Variants in UBE2N observed in about 807,000 individuals in gnomAD.
UBE2N encodes the protein ubiquitin conjugating enzyme E2 N, also known as ubiquitin-conjugating enzyme E2 N.
For synonymous variants in UBE2N, 70 were observed against 69.2 expected (o/e 1.01, Z -0.06); for missense variants, 60 against 192.1 (o/e 0.31, Z 4.07).
chr12:93,413,101 G>A (rs4020454), intron 1 of UBE2N, among the ~76,000 whole-genome samples: 17,733 of 152,022 alleles, frequency 0.12, 1,356 homozygotes, highest in East Asian at 0.18. Flanking sequence ...TGTAGTTATC[G>A]CTAACTTGTT....
At chr12:93,436,982 C>A (rs1370676803) in intron 1 of UBE2N, among the ~76,000 whole-genome samples, 1 of 152,044 alleles carries the variant, frequency 6.6e-6, no homozygotes, top group African/African-American at 2.4e-5. Flanking sequence ...AAAGTCTAGG[C>A]CAGGCACGGT....
rs539246747 is a variant in UBE2N at position 93,415,051 on chromosome 12, G to A, written c.31-3752C>T. Among the ~76,000 whole-genome samples, 19 of 152,292 alleles carry A rather than the reference G, an allele frequency of 1.2e-4. No individual in the cohort carries two copies. In the East Asian group the frequency reaches 2.7e-3, roughly 22 times the overall value. On this transcript the variant is annotated intron_variant, in intron 1 of 3. Transcript: ENST00000318066. ...GGCAGGGTTATTTTCAAGGCAGGAT[G>A]TGCACATTATGGAAGGAAAACAAAA...
At chr12:93,441,831 C>G (rs762106007) in intron 1 of UBE2N, 24 bp downstream of exon 1, 2 of 1,580,662 alleles carry the variant, frequency 1.3e-6, no homozygotes, top group South Asian at 1.1e-5. Context: ...GAGCGAAGAG[C>G]TGGAGGCCGG....
intron 1 of UBE2N, among the ~76,000 whole-genome samples, chr12:93,438,327 A>G (rs554488934): frequency 6.7e-6 from 1 of 148,278 alleles, no homozygotes; most frequent in Non-Finnish European, 1.5e-5. Flanking sequence ...GGGAGGAAAA[A>G]GGGAAACTGG....
intron 1 of UBE2N, among the ~76,000 whole-genome samples, chr12:93,433,427 T>C (rs865912730): frequency 6.6e-6 from 1 of 152,292 alleles, no homozygotes. Context: ...TTTTAAAAGC[T>C]GCTAAGATTT....
intron 1 of UBE2N, among the ~76,000 whole-genome samples, chr12:93,436,476 C>T (rs1878937109): frequency 6.6e-6 from 1 of 152,196 alleles, no homozygotes; most frequent in African/African-American, 2.4e-5. Flanking sequence ...AAAGCTGAAA[C>T]AGATTTGGTT....
At chr12:93,434,887 T>C (rs1449423868) in intron 1 of UBE2N, among the ~76,000 whole-genome samples, 3 of 151,036 alleles carry the variant, frequency 2.0e-5, no homozygotes, top group Non-Finnish European at 4.4e-5. Context: ...TCATAATGAG[T>C]TTGTATTTAT....
chr12:93,437,773 G>A (rs1343894336), intron 1 of UBE2N, among the ~76,000 whole-genome samples: 6 of 152,112 alleles, frequency 3.9e-5, no homozygotes, highest in African/African-American at 1.4e-4. Context: ...TGGGCAACAG[G>A]GGGAGACTCC....
intron 1 of UBE2N, among the ~76,000 whole-genome samples, chr12:93,436,848 C>T (rs1878949056): frequency 6.6e-6 from 1 of 152,342 alleles, no homozygotes; most frequent in African/African-American, 2.4e-5. Context: ...AACAGAACTA[C>T]TAAGACTCAA....
At chr12:93,430,932 TA>T (rs1234568334) in intron 1 of UBE2N, among the ~76,000 whole-genome samples, 85 of 137,268 alleles carry the variant, frequency 6.2e-4, no homozygotes, top group African/African-American at 9.1e-4. Context: ...GACCCTATCT[TA>T]AAAAAAAAAA....
At position 93,423,585 on chromosome 12, in the gene UBE2N, G is replaced by A. The variant is rs531664727; in HGVS notation, c.31-12286C>T. ...GTGTACCTAGCGTGGGGAGGGGGAA[G>A]AGGCTCAAGAGTTAGCACATCTGAA... On this transcript the variant is annotated intron_variant, in intron 1 of 3. Transcript: ENST00000318066. Among the ~76,000 whole-genome samples the A allele has an allele frequency of 3.5e-4, 53 of 152,314 alleles. 2 individuals are homozygous for A. Among genetic ancestry groups the A allele is most frequent in the African/African-American group, 9.9e-4 (41 of 41,582 alleles).
chr12:93,430,813 T>TA (rs869118481), intron 1 of UBE2N, among the ~76,000 whole-genome samples: 15 of 147,962 alleles, frequency 1.0e-4, no homozygotes, highest in African/African-American at 3.7e-4. Context: ...TATATATATA[T>TA]AAAAAATTTT....
chr12:93,417,154 A>C (rs1349030358), intron 1 of UBE2N, among the ~76,000 whole-genome samples: 1 of 152,190 alleles, frequency 6.6e-6, no homozygotes, highest in African/African-American at 2.4e-5. Context: ...ATTAAGTCTA[A>C]AGGAAGGTAT....
chr12:93,405,772 A>G lies in UBE2N; in HGVS notation c.*4267T>C, dbSNP rs1038466482. 1 of 152,236 alleles carries G rather than the reference A, an allele frequency of 6.6e-6. No individual in the cohort carries two copies. Among genetic ancestry groups the G allele is most frequent in the Non-Finnish European group, 1.5e-5 (1 of 68,046 alleles). 9.4% of individuals were successfully genotyped at this position (152,236 alleles called of 1,614,324 possible). On this transcript the variant is annotated 3_prime_UTR_variant, in exon 4 of 4. Transcript: ENST00000318066. ...TTTTGCTTTTTATGTTATTTAAAGT[A>G]TAAACCCTCATATAATTCCCTAAGA...
chr12:93,427,048 T>C (rs1005589377), intron 1 of UBE2N, among the ~76,000 whole-genome samples: 3 of 151,996 alleles, frequency 2.0e-5, no homozygotes, highest in Admixed American at 6.6e-5. Flanking sequence ...GCCTCCCAAG[T>C]AGCTGGGATT....
chr12:93,407,381 A>T lies in UBE2N; in HGVS notation c.*2658T>A, dbSNP rs1026523160. On this transcript the variant is annotated 3_prime_UTR_variant, in exon 4 of 4. Transcript: ENST00000318066. Reference sequence around the variant, plus strand: ...GCCCCATGCCATTCACTCACCACCTAATCATCCCCAACAACTAGTGGGCAA... The same window carrying T: ...GCCCCATGCCATTCACTCACCACCTTATCATCCCCAACAACTAGTGGGCAA... 1 of 152,170 alleles carries T rather than the reference A, an allele frequency of 6.6e-6. No homozygotes were observed. The highest frequency in any genetic ancestry group is 1.5e-5 in the Non-Finnish European group (1 of 68,048). 9.4% of individuals were successfully genotyped at this position (152,170 alleles called of 1,614,324 possible).
chr12:93,413,498 T>A (rs1878098674), intron 1 of UBE2N, among the ~76,000 whole-genome samples: 1 of 152,108 alleles, frequency 6.6e-6, no homozygotes, highest in Non-Finnish European at 1.5e-5. Flanking sequence ...CTTGCCTCTA[T>A]AACTACCTGC....
At chr12:93,422,888 G>C (rs986189952) in intron 1 of UBE2N, among the ~76,000 whole-genome samples, 1 of 152,050 alleles carries the variant, frequency 6.6e-6, no homozygotes, top group African/African-American at 2.4e-5. Flanking sequence ...TATAATGTTG[G>C]AGCTGGGAGA....
At chr12:93,410,481 T>C (rs1260206011) in intron 3 of UBE2N, 1 of 584,368 alleles carries the variant, frequency 1.7e-6, no homozygotes, top group Non-Finnish European at 3.0e-6. Flanking sequence ...AGATAAATGG[T>C]ATGCACTCAG....
Sources: gnomAD v4.1 joint callset for allele counts (sites outside exome capture counted in the v4.1 genomes callset) on GRCh38, gnomAD v4.1.1 for gene constraint, MANE v1.5 for transcripts, NCBI Gene and HGNC (gene_info 2026-07-23, HGNC 2026-07-21) for gene names.